Variants in GRIN3A observed in about 807,000 individuals in gnomAD.
GRIN3A encodes the protein glutamate ionotropic receptor NMDA type subunit 3A.
Under a neutral mutation model 92.4 loss-of-function variants are expected in GRIN3A, and 47 were observed. The ratio of observed to expected loss-of-function variants is 0.51; its 90% CI spans 0.40 to 0.65. The LOEUF is 0.65. Among genes scored for constraint, GRIN3A ranks in the 30% least tolerant of loss-of-function variants. The pLI, the probability that GRIN3A is intolerant of heterozygous loss-of-function variation, is 0.00. For missense variants in GRIN3A, 1,324 were observed against 1,393.1 expected (o/e 0.95, Z 0.79); for synonymous variants, 527 against 540.6 (o/e 0.97, Z 0.35).
chr9:101,689,024 G>A (rs1829577869), intron 1 of GRIN3A, among the ~76,000 whole-genome samples: 1 of 152,114 alleles, frequency 6.6e-6, no homozygotes, highest in Non-Finnish European at 1.5e-5. Flanking sequence ...TGAGAGAAAT[G>A]GAAGCTTCAT....
chr9:101,711,908 A>G (rs1253044126), intron 1 of GRIN3A, among the ~76,000 whole-genome samples: 1 of 152,206 alleles, frequency 6.6e-6, no homozygotes, highest in Non-Finnish European at 1.5e-5. Flanking sequence ...GTGCCCTCGG[A>G]GATACCATCA....
intron 6 of GRIN3A, among the ~76,000 whole-genome samples, chr9:101,582,445 C>T (rs1339713236): frequency 6.6e-6 from 1 of 152,114 alleles, no homozygotes; most frequent in East Asian, 1.9e-4. Flanking sequence ...GAAGCCCAGC[C>T]CTACGAAACA....
intron 2 of GRIN3A, among the ~76,000 whole-genome samples, chr9:101,672,032 A>G (rs535559032): frequency 6.6e-4 from 101 of 152,286 alleles, no homozygotes; most frequent in African/African-American, 2.3e-3. Context: ...GAGGTAACAT[A>G]TAAGCTTGTG....
chr9:101,594,197 A>G, intron 6 of GRIN3A: 1 of 539,314 alleles, frequency 1.9e-6, no homozygotes, highest in Non-Finnish European at 3.1e-6. Context: ...TGCTCATTTG[A>G]CTTGCTCTTC....
In GRIN3A at chr9:101,707,559, AT is replaced by A. The variant is rs760809693; in HGVS notation, c.700-20360del. Among the ~76,000 whole-genome samples the A allele has an allele frequency of 4.6e-5, 7 of 152,340 alleles. No individual in the cohort carries two copies. In the South Asian group the frequency reaches 1.0e-3, roughly 23 times the overall value. On this transcript the variant is annotated intron_variant, in intron 1 of 8. Transcript: ENST00000361820. ...AGAAATGAATATAGAGGGGGGTCAT[AT>A]TATTTTAAAGCTAAACTATTTTTAA...
At chr9:101,684,118 C>CTTTCTTTCT (rs1554722001) in intron 2 of GRIN3A, among the ~76,000 whole-genome samples, 20 of 123,852 alleles carry the variant, frequency 1.6e-4, no homozygotes, top group African/African-American at 5.0e-4. Flanking sequence ...TTCTTTCTTT[C>CTTTCTTTCT]TTTTTTTTTT....
chr9:101,581,086 A>G (rs1486906531), intron 6 of GRIN3A, among the ~76,000 whole-genome samples: 3 of 152,180 alleles, frequency 2.0e-5, no homozygotes, highest in Non-Finnish European at 4.4e-5. Context: ...TGGGATAGAG[A>G]TAGAAGGAAG....
rs1418243338 is a variant in GRIN3A at position 101,735,404 on chromosome 9, C to CG, written c.699+1876_699+1877insC. Among the ~76,000 whole-genome samples the CG allele has an allele frequency of 2.0e-5, 3 of 151,638 alleles. 1 individual carries two copies. The highest frequency in any genetic ancestry group is 4.4e-5 in the Non-Finnish European group (3 of 67,814). ...TCCCTGGAGGACTTTATCCACCCCC[C>CG]ACCCCGGTCTTAGAGCTTTGAAGTT... On this transcript the variant is annotated intron_variant, in intron 1 of 8. Transcript: ENST00000361820.
chr9:101,584,358 AT>A (rs1827924482), intron 6 of GRIN3A, among the ~76,000 whole-genome samples: 1 of 152,188 alleles, frequency 6.6e-6, no homozygotes, highest in South Asian at 2.1e-4. Flanking sequence ...GTTAATTTAC[AT>A]TAGTATATAT....
chr9:101,575,985 T>G (rs1827820976), intron 8 of GRIN3A, among the ~76,000 whole-genome samples: 1 of 152,226 alleles, frequency 6.6e-6, no homozygotes, highest in South Asian at 2.1e-4. Flanking sequence ...TTGTGCCAAA[T>G]TCTAGTTGCT....
At chr9:101,734,099 TA>T (rs1830172723) in intron 1 of GRIN3A, among the ~76,000 whole-genome samples, 1 of 152,200 alleles carries the variant, frequency 6.6e-6, no homozygotes, top group African/African-American at 2.4e-5. Flanking sequence ...GTGAGGTGTA[TA>T]TTTTTTTTAA....
At chr9:101,689,102 T>C (rs1829578936) in intron 1 of GRIN3A, among the ~76,000 whole-genome samples, 1 of 152,170 alleles carries the variant, frequency 6.6e-6, no homozygotes, top group African/African-American at 2.4e-5. Context: ...TCTTTTAGCT[T>C]TCTTCCTTTC....
At chr9:101,726,096 C>T (rs1169105573) in intron 1 of GRIN3A, among the ~76,000 whole-genome samples, 3 of 152,140 alleles carry the variant, frequency 2.0e-5, no homozygotes, top group African/African-American at 7.2e-5. Flanking sequence ...TCATATTGAG[C>T]ATGCAACCTA....
intron 1 of GRIN3A, among the ~76,000 whole-genome samples, chr9:101,722,561 C>G (rs954175385): frequency 1.3e-5 from 2 of 152,318 alleles, no homozygotes; most frequent in African/African-American, 4.8e-5. Context: ...GGGAGGGAGG[C>G]TGTACCCTGC....
chr9:101,684,054 C>T (rs1329192809), intron 2 of GRIN3A, among the ~76,000 whole-genome samples: 1 of 150,586 alleles, frequency 6.6e-6, no homozygotes, highest in East Asian at 2.0e-4. Flanking sequence ...CCCTGCCCTC[C>T]CCTTCCCTTC....
At chr9:101,645,160 C>G (rs1459249428) in intron 3 of GRIN3A, among the ~76,000 whole-genome samples, 4 of 151,842 alleles carry the variant, frequency 2.6e-5, no homozygotes, top group Admixed American at 2.6e-4. Flanking sequence ...CCCCTCCCCC[C>G]ATGCTTCCTA....
chr9:101,644,096 C>T (rs1312399710), intron 3 of GRIN3A, among the ~76,000 whole-genome samples: 1 of 151,790 alleles, frequency 6.6e-6, no homozygotes, highest in Non-Finnish European at 1.5e-5. Context: ...AATCACTTCA[C>T]AATGTACACA....
Position 101,738,600 on chromosome 9 carries a change from C to T in GRIN3A, c.-621G>A, listed in dbSNP as rs1341087662. ...TCTCTGCCTTTCTTTCGTTATTTTT[C>T]CACCGAGTCGCCACCGCCGCTTGCT... On this transcript the variant is annotated 5_prime_UTR_variant, in exon 1 of 9. Coordinates refer to ENST00000361820, the MANE Select transcript of GRIN3A (RefSeq NM_133445.3). 6.5e-6 allele frequency: 1 copy of T among 153,386 alleles called. No individual in the cohort carries two copies. Among genetic ancestry groups the T allele is most frequent in the Middle Eastern group, 3.1e-3 (1 of 320 alleles). The allele number at this position is 153,386 out of a possible 1,614,324, so 9.5% of individuals were successfully genotyped here. A position where few individuals can be genotyped will look rare whatever the true frequency, so the allele number is the denominator to read the frequency against.
intron 3 of GRIN3A, among the ~76,000 whole-genome samples, chr9:101,665,697 C>G (rs1341509666): frequency 6.6e-6 from 1 of 151,856 alleles, no homozygotes; most frequent in Non-Finnish European, 1.5e-5. Context: ...AAAAGAACCA[C>G]AGAGATCTAT....
Sources: gnomAD v4.1 joint callset for allele counts (sites outside exome capture counted in the v4.1 genomes callset) on GRCh38, gnomAD v4.1.1 for gene constraint, MANE v1.5 for transcripts, NCBI Gene and HGNC (gene_info 2026-07-23, HGNC 2026-07-21) for gene names.